GNG7: variants seen among roughly 807,000 people sequenced by gnomAD.
The protein encoded by GNG7 is G protein subunit gamma 7.
GNG7 carries 1 observed loss-of-function variant against 4.0 expected under a neutral mutation model. The ratio of observed to expected loss-of-function variants is 0.25; its 90% confidence interval spans 0.09 to 1.18. GNG7 has a LOEUF of 1.18. GNG7 is among the 50% of genes most tolerant of loss of function. The pLI is 0.50. For synonymous variants in GNG7, 34 were observed against 36.9 expected (o/e 0.92, Z 0.29); for missense variants, 86 against 91.9 (o/e 0.94, Z 0.26).
intron 2 of GNG7, among the ~76,000 whole-genome samples, chr19:2,593,882 T>C (rs1333008242): frequency 6.7e-6 from 1 of 149,206 alleles, no homozygotes; most frequent in Non-Finnish European, 1.5e-5. Context: ...TGTGATGTTT[T>C]AAGTTTTCTG....
At chr19:2,624,393 T>C (rs374398584) in intron 2 of GNG7, among the ~76,000 whole-genome samples, 2 of 148,962 alleles carry the variant, frequency 1.3e-5, no homozygotes, top group South Asian at 4.2e-4. Flanking sequence ...TAGCCGGGCG[T>C]GGTGGTGGGC....
intron 2 of GNG7, among the ~76,000 whole-genome samples, chr19:2,566,529 G>T (rs1426761021): frequency 1.3e-5 from 2 of 152,196 alleles, no homozygotes; most frequent in African/African-American, 2.4e-5. Flanking sequence ...CCTGGCTCCG[G>T]GGGAAGGGTC....
In GNG7 at chr19:2,595,360, T is replaced by TCAC. The variant is rs1049263832; in HGVS notation, c.-77-40173_-77-40172insGTG. 9.9e-5 allele frequency: 15 copies of TCAC among 151,700 alleles called. 1 individual carries two copies. Among genetic ancestry groups the TCAC allele is most frequent in the African/African-American group, 2.4e-5 (1 of 41,390 alleles). 9.4% of individuals were successfully genotyped at this position (151,700 alleles called of 1,614,324 possible). A position where few individuals can be genotyped will look rare whatever the true frequency, so the allele number is the denominator to read the frequency against. On this transcript the variant is annotated intron_variant, in intron 2 of 4. Coordinates refer to ENST00000382159, the MANE Select transcript of GNG7 (RefSeq NM_052847.3). ...TCAGGCCGGTCTTGAACTCCTGACC[T>TCAC]CAGTTGATTGATCCACACACCTCAG...
Position 2,669,358 on chromosome 19 carries a change from T to C in GNG7, c.-134-23078A>G, listed in dbSNP as rs911226944. Among the ~76,000 whole-genome samples the C allele has an allele frequency of 3.3e-5, 5 of 151,784 alleles. 1 individual carries two copies. The highest frequency in any genetic ancestry group is 2.1e-4 in the South Asian group (1 of 4,806). Reference sequence around the variant, plus strand: ...TACAAAAATTAGCTGGGCGTGGTGGTGCATGCCTGTAATCCCAGCTACTTG... The same window carrying C: ...TACAAAAATTAGCTGGGCGTGGTGGCGCATGCCTGTAATCCCAGCTACTTG... On this transcript the variant is annotated intron_variant, in intron 1 of 4. Transcript: ENST00000382159.
At chr19:2,596,827 G>A (rs913144877) in intron 2 of GNG7, among the ~76,000 whole-genome samples, 4 of 152,180 alleles carry the variant, frequency 2.6e-5, no homozygotes, top group African/African-American at 9.7e-5. Context: ...CCTGCAGTAC[G>A]AGACTTCTTT....
At chr19:2,586,984 CAAAAAAAA>C (rs756891397) in intron 2 of GNG7, among the ~76,000 whole-genome samples, 7 of 48,728 alleles carry the variant, frequency 1.4e-4, no homozygotes, top group Admixed American at 5.0e-4. Flanking sequence ...GACTCCATCT[CAAAAAAAA>C]AAAAAAAAAA....
intron 4 of GNG7, 50 bp downstream of exon 4, chr19:2,520,558 G>C (rs201004439): frequency 0.012 from 13,136 of 1,058,706 alleles, 108 homozygotes; most frequent in Non-Finnish European, 0.016. Context: ...ATCATTTGCG[G>C]GGCCCCCAAG....
At chr19:2,602,799 G>A (rs1404755490) in intron 2 of GNG7, among the ~76,000 whole-genome samples, 1 of 151,954 alleles carries the variant, frequency 6.6e-6, no homozygotes, top group Non-Finnish European at 1.5e-5. Context: ...GCCTTTTATA[G>A]GCAGGTTGAT....
At chr19:2,536,151 C>T (rs144715743) in intron 3 of GNG7, among the ~76,000 whole-genome samples, 3,731 of 152,146 alleles carry the variant, frequency 0.025, 148 homozygotes, top group Admixed American at 0.068. Flanking sequence ...GGCGCGGTGG[C>T]TCCCACCCGT....
chr19:2,524,449 G>C (rs8110556), intron 3 of GNG7, among the ~76,000 whole-genome samples: 6,862 of 152,342 alleles, frequency 0.045, 522 homozygotes, highest in African/African-American at 0.16. Flanking sequence ...ACATGTGCAT[G>C]TATGTGTACC....
At position 2,609,151 on chromosome 19, in the gene GNG7, C is replaced by T. The variant is rs1437959713; in HGVS notation, c.-78+37073G>A. ...AAGCAATCCTCCTGCCTTAGCCTCCCGAGTAGCTGGGATTACAGGCATGCA... is the reference window on the plus strand; with the variant it reads ...AAGCAATCCTCCTGCCTTAGCCTCCTGAGTAGCTGGGATTACAGGCATGCA... On this transcript the variant is annotated intron_variant, in intron 2 of 4. Coordinates refer to ENST00000382159, the MANE Select transcript of GNG7 (RefSeq NM_052847.3). The surrounding 1 kb of genome is among the most constrained non-coding windows in gnomAD (Gnocchi z 4.4). Among the ~76,000 whole-genome samples, 2 of 151,958 alleles carry T rather than the reference C, an allele frequency of 1.3e-5. No homozygotes were observed. Among genetic ancestry groups the T allele is most frequent in the Non-Finnish European group, 2.9e-5 (2 of 68,000 alleles).
At chr19:2,622,896 G>A (rs952532871) in intron 2 of GNG7, among the ~76,000 whole-genome samples, 1 of 152,254 alleles carries the variant, frequency 6.6e-6, no homozygotes, top group African/African-American at 2.4e-5. Context: ...CACTTTCACC[G>A]TGTATCATTT....
chr19:2,682,304 C>T (rs971840269), intron 1 of GNG7, among the ~76,000 whole-genome samples: 6 of 152,128 alleles, frequency 3.9e-5, no homozygotes, highest in Non-Finnish European at 7.4e-5. Context: ...TGCAAGGAAA[C>T]GTGGCTGGTT....
At chr19:2,575,243 T>C (rs1980272835) in intron 2 of GNG7, among the ~76,000 whole-genome samples, 1 of 152,060 alleles carries the variant, frequency 6.6e-6, no homozygotes, top group Non-Finnish European at 1.5e-5. Flanking sequence ...CACCAGCCTA[T>C]CCAGCTAATT....
intron 2 of GNG7, among the ~76,000 whole-genome samples, chr19:2,585,862 G>A (rs1051642363): frequency 1.3e-5 from 2 of 151,976 alleles, no homozygotes; most frequent in African/African-American, 4.8e-5. Context: ...CACCACGCCC[G>A]GCTATTTTTT....
intron 2 of GNG7, among the ~76,000 whole-genome samples, chr19:2,589,709 C>A (rs1980783464): frequency 6.6e-6 from 1 of 152,134 alleles, no homozygotes; most frequent in Non-Finnish European, 1.5e-5. Context: ...AGTCCAGGAG[C>A]ATTTAAAACC....
intron 1 of GNG7, among the ~76,000 whole-genome samples, chr19:2,676,501 C>T (rs937635327): frequency 3.3e-5 from 5 of 152,312 alleles, no homozygotes; most frequent in South Asian, 4.1e-4. Flanking sequence ...CAACCTCCAC[C>T]GCCTGGCTCA....
At chr19:2,631,632 A>C (rs967206745) in intron 2 of GNG7, among the ~76,000 whole-genome samples, 1 of 152,100 alleles carries the variant, frequency 6.6e-6, no homozygotes, top group Non-Finnish European at 1.5e-5. Context: ...CAGGGAGTGG[A>C]GGGGGGAACT....
chr19:2,576,604 G>T (rs1980349898), intron 2 of GNG7, among the ~76,000 whole-genome samples: 1 of 152,050 alleles, frequency 6.6e-6, no homozygotes. Flanking sequence ...CTGAGTGCAG[G>T]GGTGCAATCA....
Sources: allele counts gnomAD v4.1 joint callset (sites outside exome capture counted in the v4.1 genomes callset), GRCh38; gene constraint gnomAD v4.1.1; non-coding constraint Gnocchi (gnomAD v3.1); transcripts MANE v1.5; gene names NCBI Gene and HGNC (gene_info 2026-07-23, HGNC 2026-07-21).